The following STK38 variants were observed in gnomAD, a reference collection of about 807,000 sequenced individuals.
STK38 encodes serine/threonine-protein kinase 38.
In STK38, 26 loss-of-function variants were observed where a neutral mutation model predicts 59.0. The ratio of observed to expected loss-of-function variants is 0.44; its 90% CI spans 0.32 to 0.61. STK38 has a LOEUF of 0.61. STK38 is among the 20% of genes least tolerant of loss of function. The pLI, the probability that STK38 is intolerant of heterozygous loss-of-function variation, is 0.04. For synonymous variants in STK38, 175 were observed against 176.6 expected (o/e 0.99, Z 0.07); for missense variants, 433 against 566.0 (o/e 0.76, Z 2.38).
chr6:36,537,982 T>C (rs546025856), intron 2 of STK38, among the ~76,000 whole-genome samples: 7 of 152,030 alleles, frequency 4.6e-5, no homozygotes, highest in African/African-American at 9.7e-5. Flanking sequence ...GTTCCACTTG[T>C]ATGAAATAGG....
intron 2 of STK38, among the ~76,000 whole-genome samples, chr6:36,530,821 C>T (rs998019815): frequency 9.9e-5 from 15 of 151,762 alleles, no homozygotes; most frequent in African/African-American, 3.6e-4. Flanking sequence ...TCCCGAGTAG[C>T]TGGGATTACC....
At chr6:36,542,650 AAAT>A (rs924342962) in intron 1 of STK38, among the ~76,000 whole-genome samples, 8 of 152,114 alleles carry the variant, frequency 5.3e-5, no homozygotes, top group African/African-American at 1.9e-4. Context: ...TCTCAAAAAT[AAAT>A]AATAAAATCG....
intron 7 of STK38, 141 bp from the exon 8 acceptor site, chr6:36,507,743 T>C (rs45515897): frequency 0.063 from 34,919 of 557,996 alleles, 1,439 homozygotes; most frequent in South Asian, 0.13. Flanking sequence ...AAAAATCATG[T>C]AATTGCAGAT....
At chr6:36,513,560 G>A (rs958810901) in intron 7 of STK38, among the ~76,000 whole-genome samples, 3 of 150,462 alleles carry the variant, frequency 2.0e-5, no homozygotes, top group Admixed American at 2.0e-4. Context: ...TGATCCGCCT[G>A]CCTCGGCCTC....
At position 36,524,459 on chromosome 6, in the gene STK38, C is replaced by T. The variant is rs780551559; in HGVS notation, c.188G>A (p.Arg63Gln). Residue 63 changes from arginine (R) to glutamine (Q), a missense_variant, in exon 4 of 14, where the codon CGA becomes CAA. Coordinates refer to ENST00000229812, the MANE Select transcript of STK38 (RefSeq NM_007271.4). ...EEEGLKDEEK[R>Q]LRRSAHARKE... is the part of the protein sequence containing the mutation. ...CCGAGCATGTGCTGATCTCCGGAGT[C>T]GTTTCTAATATTTAAATAAAAAAGG... 14 of 1,593,250 alleles carry T rather than the reference C, an allele frequency of 8.8e-6. No homozygotes were observed. The highest frequency in any genetic ancestry group is 1.4e-5 in the African/African-American group (1 of 73,430).
At chr6:36,498,621 T>A (rs1776765316) in intron 10 of STK38, 135 bp from the exon 11 acceptor site, 1 of 990,756 alleles carries the variant, frequency 1.0e-6, no homozygotes, top group East Asian at 2.9e-5. Context: ...AGGGTCTCAC[T>A]CTGTTACCTA....
chr6:36,502,096 A>C (rs577137367), intron 9 of STK38, among the ~76,000 whole-genome samples: 3 of 152,234 alleles, frequency 2.0e-5, no homozygotes, highest in Admixed American at 6.5e-5. Flanking sequence ...TGGCTTTGTC[A>C]GATTTTTTTT....
At chr6:36,522,915 A>G (rs1299344454) in intron 4 of STK38, among the ~76,000 whole-genome samples, 1 of 150,908 alleles carries the variant, frequency 6.6e-6, no homozygotes, top group Non-Finnish European at 1.5e-5. Flanking sequence ...AATTAGGGAA[A>G]TTGTGTTTTA....
intron 3 of STK38, among the ~76,000 whole-genome samples, chr6:36,524,981 C>T (rs1364191076): frequency 1.3e-5 from 2 of 152,098 alleles, no homozygotes; most frequent in Non-Finnish European, 2.9e-5. Flanking sequence ...TTTTCTCCTA[C>T]TGTATCTGTG....
chr6:36,541,694 A>C (rs1777940883), intron 1 of STK38, among the ~76,000 whole-genome samples: 1 of 152,230 alleles, frequency 6.6e-6, no homozygotes, highest in African/African-American at 2.4e-5. Context: ...TCACGATCTC[A>C]ATTTTCTTTA....
Position 36,547,296 on chromosome 6 carries a change from C to G in STK38, c.-112G>C, listed in dbSNP as rs1778072669. ...GCGAAGCCCCGGCGGCGGCAGCCAA[C>G]GAGCCAAAGACGGGAGGGGACGCGT... is the stretch of plus-strand genomic sequence containing the variant. On this transcript the variant is annotated 5_prime_UTR_variant, in exon 1 of 14. Coordinates refer to ENST00000229812, the MANE Select transcript of STK38 (RefSeq NM_007271.4). 1 of 152,656 alleles carries G rather than the reference C, an allele frequency of 6.6e-6. No individual in the cohort carries two copies. Among genetic ancestry groups the G allele is most frequent in the East Asian group, 1.9e-4 (1 of 5,216 alleles). 9.5% of individuals were successfully genotyped at this position (152,656 alleles called of 1,614,324 possible).
chr6:36,498,582 CTTTTTTCTT>C, intron 10 of STK38, 96 bp from the exon 11 acceptor site: 8 of 1,038,972 alleles, frequency 7.7e-6, no homozygotes, highest in South Asian at 3.7e-5. Context: ...CTTTTTTTTT[CTTTTTTCTT>C]TTTTTTTTTT....
At chr6:36,533,844 G>T (rs1407050903) in intron 2 of STK38, among the ~76,000 whole-genome samples, 1 of 152,192 alleles carries the variant, frequency 6.6e-6, no homozygotes, top group African/African-American at 2.4e-5. Flanking sequence ...CCTGCCTAAA[G>T]ATATTCTGAA....
In STK38 at chr6:36,495,506, C is replaced by G. The variant is rs1470022701; in HGVS notation, c.*278G>C. 9.6e-6 allele frequency: 3 copies of G among 313,000 alleles called. No homozygotes were observed. The East Asian group carries it at 2.1e-4, about 22-fold the overall frequency. 19.4% of individuals were successfully genotyped at this position (313,000 alleles called of 1,614,324 possible). ...TCATTCTGATGAACTTAGGAAAACT[C>G]AAGTTATTTTTAAAACACCTATCAA... On this transcript the variant is annotated 3_prime_UTR_variant, in exon 14 of 14. Coordinates refer to ENST00000229812, the MANE Select transcript of STK38 (RefSeq NM_007271.4).
intron 2 of STK38, among the ~76,000 whole-genome samples, chr6:36,538,709 C>G (rs1172274315): frequency 6.6e-6 from 1 of 151,838 alleles, no homozygotes; most frequent in African/African-American, 2.4e-5. Flanking sequence ...CTGGCCAACA[C>G]AGTGAAACCC....
intron 1 of STK38, among the ~76,000 whole-genome samples, chr6:36,546,859 GGACT>G (rs1290893137): frequency 6.6e-6 from 1 of 152,154 alleles, no homozygotes; most frequent in Non-Finnish European, 1.5e-5. Context: ...GATCCCTGAG[GGACT>G]GACTGGTGGC....
intron 2 of STK38, among the ~76,000 whole-genome samples, chr6:36,530,832 G>C (rs769683458): frequency 3.3e-5 from 5 of 151,640 alleles, no homozygotes; most frequent in Admixed American, 2.0e-4. Context: ...TGGGATTACC[G>C]GCATATGCCA....
intron 9 of STK38, 79 bp from the exon 10 acceptor site, chr6:36,500,069 T>C: frequency 1.9e-6 from 2 of 1,065,664 alleles, no homozygotes; most frequent in Admixed American, 1.7e-5. Flanking sequence ...CCAAAGGCTA[T>C]GAGTAACATC....
chr6:36,540,337 A>G, intron 1 of STK38, 130 bp from the exon 2 acceptor site: 1 of 827,298 alleles, frequency 1.2e-6, no homozygotes, highest in Non-Finnish European at 1.9e-6. Flanking sequence ...ATATGTAACA[A>G]AAGCCAGAGA....
Sources: gnomAD v4.1 joint callset for allele counts (sites outside exome capture counted in the v4.1 genomes callset) on GRCh38, gnomAD v4.1.1 for gene constraint, MANE v1.5 for transcripts, NCBI Gene and HGNC (gene_info 2026-07-23, HGNC 2026-07-21) for gene names.